The following MOBP variants were observed in gnomAD, a reference collection of about 807,000 sequenced individuals.
The protein encoded by MOBP is myelin-associated oligodendrocyte basic protein.
A neutral mutation model predicts 15.0 loss-of-function variants in MOBP; 5 were observed. The observed-to-expected ratio is 0.33, with a 90% CI of 0.17 to 0.70. MOBP has a LOEUF of 0.70. MOBP is among the 30% of genes least tolerant of loss of function. The pLI is 0.67. For missense variants in MOBP, 188 were observed against 257.8 expected (o/e 0.73, Z 1.85); for synonymous variants, 88 against 99.0 (o/e 0.89, Z 0.66).
chr3:39,519,193 C>A (rs1033588724), downstream of MOBP, among the ~76,000 whole-genome samples: 8 of 152,198 alleles, frequency 5.3e-5, no homozygotes, highest in Non-Finnish European at 7.3e-5. Flanking sequence ...TACGTAATCT[C>A]TTTTTACTAT....
intron 2 of MOBP, among the ~76,000 whole-genome samples, chr3:39,485,305 TG>T (rs1223328241): frequency 6.6e-6 from 1 of 152,246 alleles, no homozygotes; most frequent in Admixed American, 6.5e-5. Flanking sequence ...TTTGTGTTTT[TG>T]CTGCTGTGGA....
In MOBP at chr3:39,502,157, T is replaced by C. The variant is rs147204877; in HGVS notation, c.88T>C (p.Phe30Leu). The C allele has an allele frequency of 7.9e-5, 127 of 1,614,106 alleles. No homozygotes were observed. Among genetic ancestry groups the C allele is most frequent in the Non-Finnish European group, 1.0e-4 (123 of 1,180,040 alleles). ...EHFSIHCCPPFTFLNSKKEIV... is the reference protein window; with the variant it reads ...EHFSIHCCPPLTFLNSKKEIV... Reference sequence around the variant, plus strand: ...CTTCAGCATACACTGCTGCCCGCCGTTCACCTTCCTCAATTCCAAGAAGGA... The same window carrying C: ...CTTCAGCATACACTGCTGCCCGCCGCTCACCTTCCTCAATTCCAAGAAGGA... Residue 30 changes from phenylalanine to leucine, a missense_variant, in exon 3 of 4, where the codon TTC (phenylalanine) becomes CTC (leucine). Physicochemically the swap from Phe to Leu is conservative, Grantham distance 22. Coordinates refer to ENST00000684792, the MANE Select transcript of MOBP (RefSeq NM_001393704.1). This position sits in a 1 kb window ranked among gnomAD's most constrained non-coding sequence, Gnocchi z 6.3.
At chr3:39,499,274 G>A (rs999468268) in intron 2 of MOBP, among the ~76,000 whole-genome samples, 1 of 152,166 alleles carries the variant, frequency 6.6e-6, no homozygotes, top group East Asian at 1.9e-4. Flanking sequence ...CTTAGCAGAC[G>A]TTTAGGGTCT....
At chr3:39,523,950 A>G (rs569024022) in intron 3 of MOBP, among the ~76,000 whole-genome samples, 1 of 152,332 alleles carries the variant, frequency 6.6e-6, no homozygotes, top group East Asian at 1.9e-4. Context: ...GAGGGAAATG[A>G]AAGTTTTAAT....
At chr3:39,480,312 A>C (rs1036054021) in intron 2 of MOBP, among the ~76,000 whole-genome samples, 189 bp downstream of exon 2, 2 of 152,198 alleles carry the variant, frequency 1.3e-5, no homozygotes, top group Non-Finnish European at 2.9e-5. Context: ...GGGAGCAGAA[A>C]TATAAAAAAA....
Position 39,502,549 on chromosome 3 carries a change from C to T in MOBP, c.221C>T (p.Ala74Val). 1 of 1,579,912 alleles carries T rather than the reference C, an allele frequency of 6.3e-7. No individual in the cohort carries two copies. The highest frequency in any genetic ancestry group is 8.5e-7 in the Non-Finnish European group (1 of 1,171,732). ...ACQKTRTSRR[A>V]KSPQRPKQQP... is the part of the protein sequence containing the mutation. Reference sequence around the variant, plus strand: ...GGCCCTCTCAGAACCAGCCGCCGTGCCAAGTCCCCTCAGAGGCCCAAGCAA... The same window carrying T: ...GGCCCTCTCAGAACCAGCCGCCGTGTCAAGTCCCCTCAGAGGCCCAAGCAA... Residue 74 changes from alanine to valine, a missense_variant, in exon 4 of 4, where the codon GCC becomes GTC. Ala to Val is a moderately conservative substitution (Grantham distance 64, BLOSUM62 0). Coordinates refer to ENST00000684792, the MANE Select transcript of MOBP (RefSeq NM_001393704.1). This position sits in a 1 kb window ranked among gnomAD's most constrained non-coding sequence, Gnocchi z 6.3.
chr3:39,502,930 C>T lies in MOBP; in HGVS notation c.*50C>T, dbSNP rs2233202. The T allele has an allele frequency of 2.9e-5, 24 of 835,002 alleles. No homozygotes were observed. In the East Asian group the frequency reaches 5.6e-4, roughly 20 times the overall value. 51.7% of individuals were successfully genotyped at this position (835,002 alleles called of 1,614,324 possible). ...CAGCCCTAAGGTTAGTAGTTGCTTCCTGTGTTTACTAACACCGGGCTGTCT... is the reference window on the plus strand; with the variant it reads ...CAGCCCTAAGGTTAGTAGTTGCTTCTTGTGTTTACTAACACCGGGCTGTCT... On this transcript the variant is annotated 3_prime_UTR_variant, in exon 4 of 4. Coordinates refer to ENST00000684792, the MANE Select transcript of MOBP (RefSeq NM_001393704.1). The surrounding 1 kb of genome is among the most constrained non-coding windows in gnomAD (Gnocchi z 6.3).
chr3:39,489,047 A>G (rs1252092226), intron 2 of MOBP, among the ~76,000 whole-genome samples: 1 of 151,988 alleles, frequency 6.6e-6, no homozygotes, highest in African/African-American at 2.4e-5. Flanking sequence ...CCTAGCCTCA[A>G]TGTTCCCCTC....
At chr3:39,503,039 G>A, downstream of MOBP, 1 of 546,728 alleles carries the variant, frequency 1.8e-6, no homozygotes, top group Non-Finnish European at 3.2e-6. Flanking sequence ...ACCTAGTGTG[G>A]CTTCTGGTTT....
At position 39,502,751 on chromosome 3, in the gene MOBP, A is replaced by T; in HGVS notation, c.423A>T (p.Pro141=). The stretch of plus-strand genomic sequence containing the variant: ...CTGAGCGTCAGCCACGTCCCCGCCC[A>T]GAGGTCCGACCACCGCCAGCCAAGC... The part of the protein sequence containing the change: ...PRSERQPRPR[P]EVRPPPAKQR... The change falls in exon 4 of 4, where the codon CCA becomes CCT. Residue 141 remains proline (P), a synonymous_variant. Transcript: ENST00000684792. This position sits in a 1 kb window ranked among gnomAD's most constrained non-coding sequence, Gnocchi z 6.3. 1 of 1,534,474 alleles carries T rather than the reference A, an allele frequency of 6.5e-7. No individual in the cohort carries two copies. The highest frequency in any genetic ancestry group is 8.7e-7 in the Non-Finnish European group (1 of 1,146,186).
rs1020079900 is a variant in MOBP at position 39,502,285 on chromosome 3, C to A, written c.206+10C>A. Reference sequence around the variant, plus strand: ...CCTGCCAGAAGACCAGGTAAGCGGCCGCCCAGCCCCGCGGCACCAGTTGGG... The same window carrying A: ...CCTGCCAGAAGACCAGGTAAGCGGCAGCCCAGCCCCGCGGCACCAGTTGGG... On this transcript the variant is annotated intron_variant, in intron 3 of 3. Coordinates refer to ENST00000684792, the MANE Select transcript of MOBP (RefSeq NM_001393704.1). This position sits in a 1 kb window ranked among gnomAD's most constrained non-coding sequence, Gnocchi z 6.3. The A allele has an allele frequency of 6.2e-7, 1 of 1,613,846 alleles. No individual in the cohort carries two copies.
At chr3:39,478,433 A>C (rs137979130) in intron 1 of MOBP, among the ~76,000 whole-genome samples, 2 of 152,168 alleles carry the variant, frequency 1.3e-5, no homozygotes, top group Admixed American at 6.5e-5. Flanking sequence ...AAAATTGCCT[A>C]TTGACTCAGT....
chr3:39,517,628 G>T (rs1187461950), downstream of MOBP: 2 of 152,174 alleles, frequency 1.3e-5, no homozygotes, highest in African/African-American at 4.8e-5. Context: ...TTTTCTAAAT[G>T]GTTTACTGAA....
chr3:39,511,358 C>G (rs1237602384), intron 4 of MOBP, among the ~76,000 whole-genome samples: 1 of 152,188 alleles, frequency 6.6e-6, no homozygotes, highest in African/African-American at 2.4e-5. Flanking sequence ...CTCTATTCAG[C>G]TATGTGGGCA....
chr3:39,528,741 C>G (rs1006564184), downstream of MOBP: 6 of 152,198 alleles, frequency 3.9e-5, no homozygotes, highest in African/African-American at 1.2e-4. Context: ...ATAATGCAAG[C>G]CTATTGGAGA....
intron 3 of MOBP, among the ~76,000 whole-genome samples, chr3:39,521,032 C>T (rs1183523357): frequency 2.6e-5 from 4 of 152,032 alleles, no homozygotes; most frequent in African/African-American, 9.7e-5. Flanking sequence ...CTGCAACAAC[C>T]TCTGCCTCCC....
chr3:39,509,566 A>T (rs1437174248), intron 4 of MOBP, among the ~76,000 whole-genome samples: 2 of 152,104 alleles, frequency 1.3e-5, no homozygotes, highest in African/African-American at 4.8e-5. Context: ...GGATTGTTTT[A>T]TTATTGTATT....
chr3:39,523,826 A>G (rs538754827), intron 3 of MOBP, among the ~76,000 whole-genome samples: 1 of 152,148 alleles, frequency 6.6e-6, no homozygotes, highest in African/African-American at 2.4e-5. Flanking sequence ...GGGCTGAGAC[A>G]TGGTTTTATT....
intron 2 of MOBP, among the ~76,000 whole-genome samples, chr3:39,485,999 G>A (rs1260632650): frequency 2.0e-5 from 3 of 152,036 alleles, no homozygotes; most frequent in Non-Finnish European, 4.4e-5. Flanking sequence ...AACTTCATAC[G>A]TTTATATGTT....
Sources: gnomAD v4.1 joint callset for allele counts (sites outside exome capture counted in the v4.1 genomes callset) on GRCh38, gnomAD v4.1.1 for gene constraint, Gnocchi (gnomAD v3.1) non-coding constraint, MANE v1.5 for transcripts, NCBI Gene and HGNC (gene_info 2026-07-23, HGNC 2026-07-21) for gene names.